IL15: variants seen among roughly 807,000 people sequenced by gnomAD.
IL15 encodes interleukin 15, also known as interleukin-15.
IL15 carries 11 observed loss-of-function variants against 19.6 expected under a neutral mutation model. The observed-to-expected ratio is 0.56, with a 90% CI of 0.35 to 0.93. The LOEUF (loss-of-function observed/expected upper bound fraction) is 0.93. IL15 is among the 40% of genes least tolerant of loss of function. The pLI, the probability that IL15 is intolerant of heterozygous loss-of-function variation, is 0.01. For synonymous variants in IL15, 58 were observed against 59.6 expected (o/e 0.97, Z 0.12); for missense variants, 197 against 186.5 (o/e 1.06, Z -0.33).
At chr4:141,669,052 A>G (rs1218449360) in intron 2 of IL15, among the ~76,000 whole-genome samples, 1 of 152,198 alleles carries the variant, frequency 6.6e-6, no homozygotes, top group Non-Finnish European at 1.5e-5. Context: ...GAAAGGGATT[A>G]TTTTATCATC....
At chr4:141,708,102 G>T (rs1442942353) in intron 2 of IL15, among the ~76,000 whole-genome samples, 1 of 152,186 alleles carries the variant, frequency 6.6e-6, no homozygotes, top group Non-Finnish European at 1.5e-5. Flanking sequence ...GCCAGGCTGG[G>T]TGCAGGCACA....
At chr4:141,698,261 G>A (rs1729167133) in intron 2 of IL15, among the ~76,000 whole-genome samples, 2 of 152,068 alleles carry the variant, frequency 1.3e-5, no homozygotes, top group Non-Finnish European at 2.9e-5. Context: ...AAGGATTTTT[G>A]TATCTATGTT....
chr4:141,714,245 G>A (rs773636778), intron 2 of IL15, among the ~76,000 whole-genome samples: 17 of 151,708 alleles, frequency 1.1e-4, no homozygotes, highest in Admixed American at 8.5e-4. Flanking sequence ...ATTCCTTCCC[G>A]TGACAGTAGA....
chr4:141,669,596 ATGT>A (rs1175045520), intron 2 of IL15, among the ~76,000 whole-genome samples: 1 of 152,072 alleles, frequency 6.6e-6, no homozygotes, highest in East Asian at 1.9e-4. Context: ...AAAGAAGAGA[ATGT>A]TGTCTGGGTA....
chr4:141,678,422 T>C lies in IL15; in HGVS notation c.-100+22115T>C, dbSNP rs181997474. On this transcript the variant is annotated intron_variant, in intron 2 of 7. Transcript: ENST00000320650. Reference sequence around the variant, plus strand: ...TAATTAAATCCTTTTCAGAGGTAATTGAGTTGAGTGACCATAATGTGCTAA... The same window carrying C: ...TAATTAAATCCTTTTCAGAGGTAATCGAGTTGAGTGACCATAATGTGCTAA... Among the ~76,000 whole-genome samples the C allele has an allele frequency of 2.7e-3, 414 of 151,928 alleles. 1 individual carries two copies. The highest frequency in any genetic ancestry group is 4.4e-3 in the Admixed American group (68 of 15,284).
chr4:141,657,017 G>A (rs1477255538), intron 2 of IL15, among the ~76,000 whole-genome samples: 2 of 152,150 alleles, frequency 1.3e-5, no homozygotes, highest in East Asian at 1.9e-4. Flanking sequence ...CAATTCTGTT[G>A]TGGGAACATC....
At chr4:141,719,547 G>C in intron 3 of IL15, 71 bp downstream of exon 3, 1 of 1,225,076 alleles carries the variant, frequency 8.2e-7, no homozygotes, top group African/African-American at 1.5e-5. Context: ...CAGAGTCTTT[G>C]CAATAAGTTA....
At chr4:141,700,081 G>A (rs1455388157) in intron 2 of IL15, among the ~76,000 whole-genome samples, 1 of 151,942 alleles carries the variant, frequency 6.6e-6, no homozygotes, top group Non-Finnish European at 1.5e-5. Flanking sequence ...ACCATGCCTG[G>A]CTAATTTTTG....
At chr4:141,656,693 A>C (rs993911467) in intron 2 of IL15, among the ~76,000 whole-genome samples, 22 of 152,210 alleles carry the variant, frequency 1.4e-4, no homozygotes, top group Admixed American at 1.2e-3. Context: ...TCTGGGTCAT[A>C]GTTTGATAGT....
chr4:141,643,481 C>A (rs144012355), intron 1 of IL15, among the ~76,000 whole-genome samples: 67 of 152,282 alleles, frequency 4.4e-4, no homozygotes, highest in African/African-American at 1.5e-3. Flanking sequence ...CACGAACATC[C>A]CTTTTATTAA....
At chr4:141,667,974 T>C (rs1718083064) in intron 2 of IL15, among the ~76,000 whole-genome samples, 1 of 152,248 alleles carries the variant, frequency 6.6e-6, no homozygotes, top group African/African-American at 2.4e-5. Context: ...CAACCTGACA[T>C]TCTTAACCTT....
chr4:141,689,596 G>T (rs1385984838), intron 2 of IL15, among the ~76,000 whole-genome samples: 2 of 147,618 alleles, frequency 1.4e-5, no homozygotes, highest in Non-Finnish European at 3.0e-5. Flanking sequence ...AGACATAAAG[G>T]TTCTCCAAGG....
intron 2 of IL15, among the ~76,000 whole-genome samples, chr4:141,714,100 A>G (rs893293564): frequency 6.6e-6 from 1 of 151,494 alleles, no homozygotes; most frequent in Admixed American, 6.6e-5. Flanking sequence ...TCCTGTCCCC[A>G]TCCTCCTCCT....
chr4:141,712,012 G>C (rs764401594), intron 2 of IL15, among the ~76,000 whole-genome samples: 11 of 152,048 alleles, frequency 7.2e-5, no homozygotes, highest in African/African-American at 2.4e-4. Context: ...TAAAATTGCT[G>C]TGTTTTTCAA....
intron 2 of IL15, among the ~76,000 whole-genome samples, chr4:141,709,880 G>A (rs1038815043): frequency 5.3e-5 from 8 of 152,152 alleles, no homozygotes; most frequent in Admixed American, 2.0e-4. Context: ...CAGGTAGTGA[G>A]CACAGTAATC....
intron 5 of IL15, among the ~76,000 whole-genome samples, chr4:141,723,533 C>A (rs1408181481): frequency 2.0e-5 from 3 of 152,136 alleles, no homozygotes; most frequent in African/African-American, 7.2e-5. Context: ...CATGGCCCTA[C>A]CAACACCTTG....
intron 2 of IL15, among the ~76,000 whole-genome samples, chr4:141,699,903 T>G (rs950551643): frequency 1.4e-4 from 21 of 152,140 alleles, no homozygotes; most frequent in Non-Finnish European, 1.5e-4. Context: ...TGTTATTGTT[T>G]TATATACCCT....
At chr4:141,699,129 T>A (rs973995959) in intron 2 of IL15, among the ~76,000 whole-genome samples, 2 of 152,180 alleles carry the variant, frequency 1.3e-5, no homozygotes, top group African/African-American at 4.8e-5. Flanking sequence ...CATGTATTTA[T>A]AAAGTCCTGA....
At chr4:141,700,645 C>G (rs1729257746) in intron 2 of IL15, among the ~76,000 whole-genome samples, 2 of 152,246 alleles carry the variant, frequency 1.3e-5, no homozygotes, top group Middle Eastern at 6.8e-3. Context: ...GTTTTTAAAG[C>G]TTCTTGTATT....
Sources: gnomAD v4.1 joint callset for allele counts (sites outside exome capture counted in the v4.1 genomes callset) on GRCh38, gnomAD v4.1.1 for gene constraint, MANE v1.5 for transcripts, NCBI Gene and HGNC (gene_info 2026-07-23, HGNC 2026-07-21) for gene names.